NBPF3: variants seen among roughly 807,000 people sequenced by gnomAD.
NBPF3 encodes the protein NBPF member 3.
In NBPF3, 57 loss-of-function variants were observed where a neutral mutation model predicts 78.1. That is an observed-to-expected ratio of 0.73 (90% CI 0.59 to 0.91). The LOEUF is 0.91. Ranked by LOEUF, NBPF3 falls within the 40% of genes least tolerant of loss-of-function variation. The probability of loss-of-function intolerance (pLI) is 0.00; values close to 1 mark genes in which losing one functional copy is unlikely to be tolerated. For synonymous variants in NBPF3, 182 were observed against 271.7 expected, an observed-to-expected ratio of 0.67 and a Z score of 3.25; for missense variants, 510 against 715.3, an observed-to-expected ratio of 0.71 and a Z score of 3.27.
chr1:21,457,393 T>TATGTATATATATGC (rs1261066383), intron 2 of NBPF3, among the ~76,000 whole-genome samples: 4 of 143,472 alleles, frequency 2.8e-5, no homozygotes, highest in African/African-American at 1.1e-4. Flanking sequence ...TATATATATG[T>TATGTATATATATGC]ATGTATATAT....
At chr1:21,471,920 A>C in intron 5 of NBPF3, 137 bp downstream of exon 5, 2 of 1,227,366 alleles carry the variant, frequency 1.6e-6, no homozygotes, top group East Asian at 4.9e-5. Context: ...TAAGTGACAT[A>C]ACCAGGACTT....
At chr1:21,449,318 G>C (rs1446158592) in intron 2 of NBPF3, among the ~76,000 whole-genome samples, 2 of 152,016 alleles carry the variant, frequency 1.3e-5, no homozygotes, top group South Asian at 4.2e-4. Flanking sequence ...CCTTGAAATT[G>C]GTTCATCTGT....
chr1:21,457,445 G>T (rs181964194), intron 2 of NBPF3, among the ~76,000 whole-genome samples: 1 of 150,754 alleles, frequency 6.6e-6, no homozygotes, highest in Admixed American at 6.6e-5. Context: ...TGTCTAATAA[G>T]AAACAACACA....
At chr1:21,453,122 G>A (rs1055386813) in intron 2 of NBPF3, among the ~76,000 whole-genome samples, 2 of 152,172 alleles carry the variant, frequency 1.3e-5, no homozygotes, top group East Asian at 1.9e-4. Flanking sequence ...CATGCCACTC[G>A]GGGCTCGTCC....
chr1:21,479,250 G>A, intron 9 of NBPF3, 99 bp from the exon 10 acceptor site: 1 of 1,273,054 alleles, frequency 7.9e-7, no homozygotes, highest in Non-Finnish European at 1.1e-6. Flanking sequence ...CTCACACTGA[G>A]AAGACTGATG....
intron 2 of NBPF3, among the ~76,000 whole-genome samples, chr1:21,455,825 G>A (rs1289768336): frequency 6.6e-6 from 1 of 152,180 alleles, no homozygotes; most frequent in East Asian, 1.9e-4. Context: ...ATTTAACAGA[G>A]GGGTGGCTGC....
intron 2 of NBPF3, chr1:21,468,440 G>T: frequency 7.2e-7 from 1 of 1,386,518 alleles, no homozygotes; most frequent in South Asian, 1.6e-5. Context: ...TGCAACTGCA[G>T]ACCGTTACCT....
At chr1:21,464,915 GAGGATCGCTTGAGCCCAGAAGTTCA>G (rs1168379583) in intron 2 of NBPF3, among the ~76,000 whole-genome samples, 1 of 150,780 alleles carries the variant, frequency 6.6e-6, no homozygotes, top group Non-Finnish European at 1.5e-5. Flanking sequence ...GCTGAGGCAG[GAGGATCGCTTGAGCCCAGAAGTTCA>G]AGGTTGCCGT....
intron 2 of NBPF3, chr1:21,452,012 T>C (rs755611471): frequency 5.9e-6 from 1 of 169,928 alleles, no homozygotes; most frequent in Non-Finnish European, 1.2e-5. Flanking sequence ...GCCCATATGC[T>C]AGCTGAGAAG....
intron 11 of NBPF3, among the ~76,000 whole-genome samples, chr1:21,480,631 C>A (rs941908404): frequency 6.6e-6 from 1 of 152,312 alleles, no homozygotes; most frequent in East Asian, 1.9e-4. Flanking sequence ...TAGAAATCAT[C>A]TGGGGCATTT....
upstream of NBPF3, chr1:21,437,503 G>C (rs1640447666): frequency 6.2e-6 from 9 of 1,450,958 alleles, no homozygotes; most frequent in South Asian, 1.1e-4. Context: ...AGGTGCAGCG[G>C]CTGCGGAGAG....
chr1:21,472,328 G>A (rs545133015), intron 5 of NBPF3, among the ~76,000 whole-genome samples: 1 of 152,186 alleles, frequency 6.6e-6, no homozygotes, highest in Non-Finnish European at 1.5e-5. Flanking sequence ...CACTTGATGT[G>A]GGGGCATTTG....
intron 10 of NBPF3, among the ~76,000 whole-genome samples, chr1:21,479,828 G>C (rs1437140428): frequency 1.4e-5 from 2 of 140,818 alleles, no homozygotes; most frequent in African/African-American, 5.0e-5. Flanking sequence ...CTCTGTGTGT[G>C]TGTGTGTGTG....
chr1:21,456,311 C>CA (rs1641599710), intron 2 of NBPF3, among the ~76,000 whole-genome samples: 1 of 152,206 alleles, frequency 6.6e-6, no homozygotes, highest in South Asian at 2.1e-4. Flanking sequence ...TCCTCAAACT[C>CA]ACATAGAGCA....
intron 7 of NBPF3, among the ~76,000 whole-genome samples, chr1:21,474,206 TTTTC>T (rs1193531144): frequency 2.7e-5 from 2 of 73,896 alleles, no homozygotes; most frequent in Non-Finnish European, 6.4e-5. Context: ...TTCTTTTTCT[TTTTC>T]TTTTTTTTTT....
At chr1:21,471,844 C>T in intron 5 of NBPF3, 61 bp downstream of exon 5, 3 of 1,583,624 alleles carry the variant, frequency 1.9e-6, no homozygotes, top group Non-Finnish European at 2.6e-6. Flanking sequence ...CTTCAGACCT[C>T]CATACTTTCA....
intron 2 of NBPF3, among the ~76,000 whole-genome samples, chr1:21,450,772 C>G (rs1277646564): frequency 6.6e-6 from 1 of 152,126 alleles, no homozygotes; most frequent in Non-Finnish European, 1.5e-5. Flanking sequence ...AGGGTGTCCA[C>G]AAAGTACAGG....
intron 2 of NBPF3, among the ~76,000 whole-genome samples, chr1:21,464,507 A>T (rs1642143944): frequency 6.6e-6 from 1 of 152,136 alleles, no homozygotes; most frequent in Non-Finnish European, 1.5e-5. Context: ...TTTTGGCATT[A>T]TGAAAATATT....
At chr1:21,451,805 T>C (rs1641327309) in intron 2 of NBPF3, 2 of 306,336 alleles carry the variant, frequency 6.5e-6, no homozygotes, top group Non-Finnish European at 5.3e-6. Context: ...AATAATATTA[T>C]ATCTGTAAAA....
Sources: gnomAD v4.1 joint callset for allele counts (sites outside exome capture counted in the v4.1 genomes callset) on GRCh38, gnomAD v4.1.1 for gene constraint, MANE v1.5 for transcripts, NCBI Gene and HGNC (gene_info 2026-07-23, HGNC 2026-07-21) for gene names.